The following RAMAC variants were observed in gnomAD, a reference collection of about 807,000 sequenced individuals.
The protein encoded by RAMAC is RNA guanine-7 methyltransferase activating subunit.
Under a neutral mutation model 17.9 loss-of-function variants are expected in RAMAC, and 11 were observed. The ratio of observed to expected loss-of-function variants is 0.61; its 90% CI spans 0.39 to 1.02. The LOEUF (loss-of-function observed/expected upper bound fraction) is 1.02, where lower values mean the gene tolerates loss of function less well. Among genes scored for constraint, RAMAC ranks in the 50% least tolerant of loss-of-function variants. The pLI is 0.01. For synonymous variants in RAMAC, 27 were observed against 48.4 expected, an observed-to-expected ratio of 0.56 and a Z score of 1.84; for missense variants, 109 against 144.0, an observed-to-expected ratio of 0.76 and a Z score of 1.25.
At chr15:82,988,650 T>C (rs555753246) in intron 2 of RAMAC, 1 of 430,004 alleles carries the variant, frequency 2.3e-6, no homozygotes. Flanking sequence ...CTAGGCAACA[T>C]GGCGAGATCC....
At chr15:82,988,220 C>CT (rs2030707464) in intron 2 of RAMAC, among the ~76,000 whole-genome samples, 1 of 150,698 alleles carries the variant, frequency 6.6e-6, no homozygotes, top group Non-Finnish European at 1.5e-5. Context: ...ATCCCAGCTA[C>CT]TTGGGAGGCT....
chr15:82,989,423 T>G (rs562723892), intron 3 of RAMAC, among the ~76,000 whole-genome samples: 1 of 152,270 alleles, frequency 6.6e-6, no homozygotes, highest in Non-Finnish European at 1.5e-5. Flanking sequence ...TTAGATGTTT[T>G]TTCTGTAGAC....
chr15:82,988,643 G>A (rs1167614622), intron 2 of RAMAC: 4 of 424,378 alleles, frequency 9.4e-6, no homozygotes, highest in Non-Finnish European at 1.9e-5. Context: ...TTCCAGCCTA[G>A]GCAACATGGC....
Position 82,990,988 on chromosome 15 carries a change from A to G in RAMAC, c.*921A>G, listed in dbSNP as rs2030837155. The G allele has an allele frequency of 4.9e-6, 1 of 203,848 alleles. No individual in the cohort carries two copies. The highest frequency in any genetic ancestry group is 2.3e-5 in the African/African-American group (1 of 43,540). The allele number at this position is 203,848 out of a possible 1,614,324, so 12.6% of individuals were successfully genotyped here. A position where few individuals can be genotyped will look rare whatever the true frequency, so the allele number is the denominator to read the frequency against. ...CACAGAGATCATTCTATTTCAAATC[A>G]CTTTAATGATTATTACAATGATTTC... On this transcript the variant is annotated 3_prime_UTR_variant, in exon 4 of 4. Transcript: ENST00000304191.
rs1343670936 is a variant in RAMAC, at chr15:82,990,155, C to CT, written c.*89dup. On this transcript the variant is annotated 3_prime_UTR_variant, in exon 4 of 4. Coordinates refer to ENST00000304191, the MANE Select transcript of RAMAC (RefSeq NM_031452.4). ...TCTTCTGTTGGTCATAGTTTTACAT[C>CT]TGATTTTACAGAATGGATTATTGAT... 1.5e-5 allele frequency: 8 copies of CT among 520,274 alleles called. No homozygotes were observed. Among genetic ancestry groups the CT allele is most frequent in the Non-Finnish European group, 2.1e-5 (7 of 331,662 alleles). The allele number at this position is 520,274 out of a possible 1,614,324, so 32.2% of individuals were successfully genotyped here.
chr15:82,987,822 C>T (rs1172492024), intron 2 of RAMAC, among the ~76,000 whole-genome samples: 1 of 150,326 alleles, frequency 6.7e-6, no homozygotes, highest in African/African-American at 2.5e-5. Context: ...GGCAGATCAC[C>T]TGAGGTCAGG....
chr15:82,988,227 G>A (rs764217916), intron 2 of RAMAC, among the ~76,000 whole-genome samples: 3 of 151,924 alleles, frequency 2.0e-5, no homozygotes, highest in Non-Finnish European at 4.4e-5. Flanking sequence ...CTACTTGGGA[G>A]GCTGAGGCAG....
chr15:82,986,591 G>A (rs2030621836), intron 1 of RAMAC, among the ~76,000 whole-genome samples: 1 of 152,160 alleles, frequency 6.6e-6, no homozygotes, highest in Non-Finnish European at 1.5e-5. Flanking sequence ...CCTTGAGGAC[G>A]GACTGGAAAA....
chr15:82,989,026 A>G lies in RAMAC; in HGVS notation c.8A>G (p.Asp3Gly). Reference sequence around the variant, plus strand: ...ATTGTACAGATTTTCAGAATGACTGACACTGCCGAAGCTGTTCCAAAGTTT... The same window carrying G: ...ATTGTACAGATTTTCAGAATGACTGGCACTGCCGAAGCTGTTCCAAAGTTT... MT[D>G]TAEAVPKFEE... The change falls in exon 3 of 4, where the codon GAC (aspartate) becomes GGC (glycine). Residue 3 changes from aspartate (D) to glycine (G), a missense_variant. Physicochemically the swap from Asp to Gly is moderately conservative, Grantham distance 94. Transcript: ENST00000304191. The G allele has an allele frequency of 1.9e-6, 3 of 1,607,724 alleles. No homozygotes were observed. Among genetic ancestry groups the G allele is most frequent in the Non-Finnish European group, 2.5e-6 (3 of 1,177,728 alleles).
chr15:82,988,974 A>AT (rs551439689), intron 2 of RAMAC, 36 bp from the exon 3 acceptor site: 16 of 1,532,790 alleles, frequency 1.0e-5, no homozygotes, highest in Middle Eastern at 3.5e-4. Context: ...TAATTTTTAA[A>AT]TTTTTTTTAA....
At chr15:82,986,402 C>G (rs1259735680) in intron 1 of RAMAC, 33 bp downstream of exon 1, 1 of 152,332 alleles carries the variant, frequency 6.6e-6, no homozygotes, top group Non-Finnish European at 1.5e-5. Context: ...GAGGAGGGAG[C>G]GGGGCGGCCG....
rs1197029751 is a variant in RAMAC at position 82,990,735 on chromosome 15, A to G, written c.*668A>G. 2 of 1,209,048 alleles carry G rather than the reference A, an allele frequency of 1.7e-6. No individual in the cohort carries two copies. Among genetic ancestry groups the G allele is most frequent in the Admixed American group, 2.1e-5 (1 of 48,242 alleles). The allele number at this position is 1,209,048 out of a possible 1,614,324, so 74.9% of individuals were successfully genotyped here. The stretch of plus-strand genomic sequence containing the variant: ...GGGATAAGGGTACACATCATTTTAT[A>G]CAAACACTAAAGCTTTTTGCTAACA... On this transcript the variant is annotated 3_prime_UTR_variant, in exon 4 of 4. Coordinates refer to ENST00000304191, the MANE Select transcript of RAMAC (RefSeq NM_031452.4).
chr15:82,986,770 G>A (rs1458072688), intron 1 of RAMAC, among the ~76,000 whole-genome samples: 2 of 152,090 alleles, frequency 1.3e-5, no homozygotes, highest in Non-Finnish European at 2.9e-5. Flanking sequence ...AATCTGAAAG[G>A]CTTACCCTAA....
At chr15:82,987,851 C>G (rs755900111) in intron 2 of RAMAC, among the ~76,000 whole-genome samples, 17 of 151,322 alleles carry the variant, frequency 1.1e-4, no homozygotes, top group Admixed American at 9.9e-4. Context: ...ATCAGCCTGG[C>G]CAACATGATG....
intron 3 of RAMAC, 74 bp downstream of exon 3, chr15:82,989,262 C>A: frequency 1.3e-6 from 2 of 1,505,800 alleles, no homozygotes; most frequent in Non-Finnish European, 9.0e-7. Context: ...ACTGGAAGGC[C>A]AGTGAGGGCA....
chr15:82,989,445 A>G (rs1342310319), intron 3 of RAMAC, among the ~76,000 whole-genome samples: 1 of 152,212 alleles, frequency 6.6e-6, no homozygotes, highest in African/African-American at 2.4e-5. Context: ...AATATTTTCA[A>G]TGCAAATCTA....
chr15:82,989,277 C>A, intron 3 of RAMAC, 89 bp downstream of exon 3: 1 of 1,402,732 alleles, frequency 7.1e-7, no homozygotes, highest in Non-Finnish European at 9.6e-7. Context: ...AGGGCAGGGA[C>A]CAGTGTTTTT....
intron 1 of RAMAC, among the ~76,000 whole-genome samples, chr15:82,987,027 C>G (rs2030646366): frequency 6.6e-6 from 1 of 152,096 alleles, no homozygotes; most frequent in East Asian, 1.9e-4. Context: ...AAGCGATTCT[C>G]CTGCCTCAGC....
chr15:82,988,555 G>A (rs1405222268), intron 2 of RAMAC: 2 of 234,492 alleles, frequency 8.5e-6, no homozygotes, highest in East Asian at 1.7e-4. Context: ...AAAATAATTC[G>A]GGCCAGGCAC....
Sources: gnomAD v4.1 joint callset for allele counts (sites outside exome capture counted in the v4.1 genomes callset) on GRCh38, gnomAD v4.1.1 for gene constraint, MANE v1.5 for transcripts, NCBI Gene and HGNC (gene_info 2026-07-23, HGNC 2026-07-21) for gene names.